The following PROX2 variants were observed in gnomAD, a reference collection of about 807,000 sequenced individuals.
The protein encoded by PROX2 is prospero homeobox protein 2.
Under a neutral mutation model 48.9 loss-of-function variants are expected in PROX2, and 46 were observed. The ratio of observed to expected loss-of-function variants is 0.94; its 90% CI spans 0.74 to 1.20. The LOEUF (loss-of-function observed/expected upper bound fraction) is 1.20, where lower values mean the gene tolerates loss of function less well. Among genes scored for constraint, PROX2 ranks in the 50% most tolerant of loss-of-function variants. The pLI is 0.00. For missense variants in PROX2, 663 were observed against 719.4 expected (o/e 0.92, Z 0.90); for synonymous variants, 260 against 276.6 (o/e 0.94, Z 0.60).
chr14:74,862,678 T>G lies in PROX2; in HGVS notation c.1157A>C (p.Lys386Thr), dbSNP rs769772355. The change falls in exon 3 of 6, where the codon AAG becomes ACG. Residue 386 changes from lysine to threonine, a missense_variant. Physicochemically the swap from Lys to Thr is moderately conservative, Grantham distance 78. Coordinates refer to ENST00000556489, the MANE Select transcript of PROX2 (RefSeq NM_001243007.2). ...EPALRPWRTT[K>T]PQPLVLSQQQ... is the part of the protein sequence containing the mutation. The stretch of plus-strand genomic sequence containing the variant: ...CTGGCTCAGGACCAATGGTTGCGGC[T>G]TAGTAGTTCTCCAAGGTCGTAGGGC... 3 of 1,613,850 alleles carry G rather than the reference T, an allele frequency of 1.9e-6. No homozygotes were observed. The highest frequency in any genetic ancestry group is 2.5e-6 in the Non-Finnish European group (3 of 1,179,900).
At chr14:74,866,760 A>G (rs1412209390) in intron 2 of PROX2, among the ~76,000 whole-genome samples, 1 of 152,216 alleles carries the variant, frequency 6.6e-6, no homozygotes, top group Admixed American at 6.5e-5. Context: ...GGAGTTTTGT[A>G]AAGAGGACAG....
rs146337997 is a variant in PROX2 at position 74,861,099 on chromosome 14, C to T, written c.1305+1431G>A. ...TCCAACACTTTTGACCGGCAGGGGG[C>T]GCTCATGGCATTTAGGACACAAAGG... is the stretch of plus-strand genomic sequence containing the variant. On this transcript the variant is annotated intron_variant, in intron 3 of 5. Coordinates refer to ENST00000556489, the MANE Select transcript of PROX2 (RefSeq NM_001243007.2). The T allele has an allele frequency of 3.5e-4, 232 of 655,954 alleles. No individual in the cohort carries two copies. In the African/African-American group the frequency reaches 4.1e-3, roughly 11 times the overall value. The allele number at this position is 655,954 out of a possible 1,614,324, so 40.6% of individuals were successfully genotyped here.
At chr14:74,869,331 TG>T (rs980782220) in intron 2 of PROX2, among the ~76,000 whole-genome samples, 4 of 151,814 alleles carry the variant, frequency 2.6e-5, no homozygotes, top group African/African-American at 9.7e-5. Context: ...CAGGCTGAAG[TG>T]CAGTGGCGTG....
intron 2 of PROX2, among the ~76,000 whole-genome samples, chr14:74,866,496 G>A (rs1468569207): frequency 6.6e-6 from 1 of 152,314 alleles, no homozygotes; most frequent in South Asian, 2.1e-4. Context: ...AGAAGGAGCA[G>A]TCAGAGAGGC....
At chr14:74,868,188 TG>T (rs1883112736) in intron 2 of PROX2, among the ~76,000 whole-genome samples, 1 of 151,294 alleles carries the variant, frequency 6.6e-6, no homozygotes, top group African/African-American at 2.4e-5. Flanking sequence ...AATATAGAAA[TG>T]TATTAAGAGG....
intron 3 of PROX2, chr14:74,861,274 A>T (rs2091793359): frequency 1.5e-6 from 2 of 1,315,564 alleles, no homozygotes; most frequent in Non-Finnish European, 2.0e-6. Context: ...GCACACAAGA[A>T]GCAGCAGCGT....
chr14:74,872,178 C>G (rs913301207), intron 1 of PROX2, among the ~76,000 whole-genome samples: 5 of 152,210 alleles, frequency 3.3e-5, no homozygotes, highest in African/African-American at 1.2e-4. Context: ...GTAAAAGGTA[C>G]CTCGTGAAGC....
chr14:74,871,016 T>G (rs1883200757), intron 2 of PROX2, 87 bp downstream of exon 2: 1 of 152,236 alleles, frequency 6.6e-6, no homozygotes, highest in African/African-American at 2.4e-5. Context: ...CAGTCCAGCC[T>G]GGGCAACAGA....
chr14:74,863,268 G>A lies in PROX2; in HGVS notation c.567C>T (p.Asp189=), dbSNP rs374997285. The part of the protein sequence containing the change: ...NGCGPRPWVV[D]GDHQQGTSKD... ...TGCTGGTACCTTGCTGGTGGTCACCGTCCACAACCCAGGGGCGAGGCCCAC... is the reference window on the plus strand; with the variant it reads ...TGCTGGTACCTTGCTGGTGGTCACCATCCACAACCCAGGGGCGAGGCCCAC... The change falls in exon 3 of 6, where the codon GAC becomes GAT. Residue 189 remains aspartate (D), a synonymous_variant. Transcript: ENST00000556489. The A allele has an allele frequency of 6.3e-5, 102 of 1,613,712 alleles. No homozygotes were observed. Among genetic ancestry groups the A allele is most frequent in the Admixed American group, 1.7e-4 (10 of 59,990 alleles).
rs1387993953 is a variant in PROX2 at position 74,863,391 on chromosome 14, C to T, written c.444G>A (p.Glu148=). ...LLKQQLRHLQ[E]HILQAAKPRD... ...TGGGCTTGGCAGCCTGTAGGATGTGCTCTTGCAGATGTCTTAGCTGTTGCT... is the reference window on the plus strand; with the variant it reads ...TGGGCTTGGCAGCCTGTAGGATGTGTTCTTGCAGATGTCTTAGCTGTTGCT... The change falls in exon 3 of 6, where the codon GAG becomes GAA. Residue 148 remains glutamate, a synonymous_variant. Transcript: ENST00000556489. The T allele has an allele frequency of 6.2e-7, 1 of 1,613,618 alleles. No individual in the cohort carries two copies. Among genetic ancestry groups the T allele is most frequent in the African/African-American group, 1.3e-5 (1 of 74,942 alleles).
chr14:74,868,313 TTATATATATATATATATA>T (rs4026383), intron 2 of PROX2, among the ~76,000 whole-genome samples: 2,017 of 53,804 alleles, frequency 0.037, 106 homozygotes, highest in East Asian at 0.11. Flanking sequence ...TTTCTCGTAA[TTATATATATATATATATA>T]TATATATATA....
chr14:74,863,315 T>C lies in PROX2; in HGVS notation c.520A>G (p.Ser174Gly). 6.2e-7 allele frequency: 1 copy of C among 1,614,044 alleles called. No homozygotes were observed. The highest frequency in any genetic ancestry group is 8.5e-7 in the Non-Finnish European group (1 of 1,179,886). ...GGCGTGKGPLSAKQGNGCGPR... is the reference protein window; with the variant it reads ...GGCGTGKGPLGAKQGNGCGPR... Reference sequence around the variant, plus strand: ...CCACAGCCATTCCCCTGCTTTGCACTCAGAGGGCCTTTCCCCGTGCCACAG... The same window carrying C: ...CCACAGCCATTCCCCTGCTTTGCACCCAGAGGGCCTTTCCCCGTGCCACAG... The change falls in exon 3 of 6, where the codon AGT becomes GGT. Residue 174 changes from serine to glycine, a missense_variant. Coordinates refer to ENST00000556489, the MANE Select transcript of PROX2 (RefSeq NM_001243007.2).
In PROX2 at chr14:74,856,821, T is replaced by C; in HGVS notation, c.1588A>G (p.Asn530Asp). 6.2e-7 allele frequency: 1 copy of C among 1,613,940 alleles called. No homozygotes were observed. Among genetic ancestry groups the C allele is most frequent in the Non-Finnish European group, 8.5e-7 (1 of 1,179,838 alleles). The stretch of plus-strand genomic sequence containing the variant: ...CTTACCTCAAAGTCATTTCCCTTGT[T>C]GTAGTGCATATTGAGAGCTTGAAAA... ...ELFQALNMHY[N>D]KGNDFEVPDC... is the part of the protein sequence containing the mutation. The change falls in exon 5 of 6, where the codon AAC (asparagine) becomes GAC (aspartate). Residue 530 changes from asparagine (N) to aspartate (D), a missense_variant. By Grantham distance (23) the Asn-to-Asp change is conservative. Coordinates refer to ENST00000556489, the MANE Select transcript of PROX2 (RefSeq NM_001243007.2).
At chr14:74,860,385 T>C (rs1300254198) in intron 3 of PROX2, among the ~76,000 whole-genome samples, 1 of 152,028 alleles carries the variant, frequency 6.6e-6, no homozygotes, top group Non-Finnish European at 1.5e-5. Flanking sequence ...AAAAAAAAGA[T>C]TGCATCATTC....
intron 3 of PROX2, among the ~76,000 whole-genome samples, chr14:74,859,827 C>T (rs893062888): frequency 3.9e-5 from 6 of 152,198 alleles, no homozygotes; most frequent in African/African-American, 1.4e-4. Flanking sequence ...GCCCCATCAG[C>T]CCCTACTTAC....
chr14:74,856,494 G>C (rs1474404016), intron 5 of PROX2: 4 of 288,382 alleles, frequency 1.4e-5, no homozygotes, highest in African/African-American at 8.4e-5. Context: ...TGGCACTAAG[G>C]CAAAAAGGTC....
intron 1 of PROX2, chr14:74,874,293 G>C (rs937015303): frequency 2.3e-5 from 7 of 300,096 alleles, no homozygotes; most frequent in Non-Finnish European, 3.6e-5. Flanking sequence ...TTGCTCTATT[G>C]CCAGGCTGGA....
chr14:74,860,971 T>C (rs1328063870), intron 3 of PROX2, among the ~76,000 whole-genome samples: 2 of 152,216 alleles, frequency 1.3e-5, no homozygotes, highest in Non-Finnish European at 2.9e-5. Flanking sequence ...AAAGAAAATC[T>C]GTCTATGGTG....
At chr14:74,873,856 T>G in intron 1 of PROX2, 1 of 445,750 alleles carries the variant, frequency 2.2e-6, no homozygotes, top group Non-Finnish European at 4.5e-6. Flanking sequence ...TTTGCAGATC[T>G]AGGCTGTAGT....
Sources: allele counts gnomAD v4.1 joint callset (sites outside exome capture counted in the v4.1 genomes callset), GRCh38; gene constraint gnomAD v4.1.1; transcripts MANE v1.5; gene names NCBI Gene and HGNC (gene_info 2026-07-23, HGNC 2026-07-21).